Variants in GPRC5D observed in about 807,000 individuals in gnomAD.
GPRC5D encodes G protein-coupled receptor family C group 5 member D.
Under a neutral mutation model 29.3 loss-of-function variants are expected in GPRC5D, and 20 were observed. That is an observed-to-expected ratio of 0.68 (90% CI 0.48 to 0.99). GPRC5D has a LOEUF of 0.99. Among genes scored for constraint, GPRC5D ranks in the 50% least tolerant of loss-of-function variants. The pLI is 0.00. For missense variants in GPRC5D, 384 were observed against 423.6 expected (o/e 0.91, Z 0.82); for synonymous variants, 178 against 171.3 (o/e 1.04, Z -0.30).
intron 2 of GPRC5D, 86 bp downstream of exon 3, chr12:12,942,175 A>G (rs1383190528): frequency 2.9e-5 from 25 of 870,620 alleles, no homozygotes; most frequent in Non-Finnish European, 4.1e-5. Context: ...AGGTCAGTAA[A>G]GCCATTAGAA....
At chr12:12,942,631 A>AG (rs1863183146) in intron 1 of GPRC5D, among the ~76,000 whole-genome samples, 1 of 152,154 alleles carries the variant, frequency 6.6e-6, no homozygotes, top group East Asian at 1.9e-4. Context: ...GCTACTTGGG[A>AG]GGTGGAGGCA....
chr12:12,948,581 C>T (rs1220016071), intron 1 of GPRC5D: 1 of 154,052 alleles, frequency 6.5e-6, no homozygotes, highest in East Asian at 1.9e-4. Context: ...AAATCAGATG[C>T]CTATTAAGAC....
chr12:12,944,824 TCCTTCCTTCCTTCCTTCC>T lies in GPRC5D; in HGVS notation c.896-2514_896-2497del, dbSNP rs1565477135. ...TCCCTTCCTTCCTTCCTTCCTTCCT[TCCTTCCTTCCTTCCTTCC>T]TTCCTTCCTTCTTTCTTTCTTTCTT... On this transcript the variant is annotated intron_variant, in intron 1 of 2. Transcript: ENST00000228887. Among the ~76,000 whole-genome samples, 139 of 18,278 alleles carry T rather than the reference TCCTTCCTTCCTTCCTTCC, an allele frequency of 7.6e-3. 13 individuals are homozygous for T. The highest frequency in any genetic ancestry group is 0.015 in the Non-Finnish European group (91 of 6,176). 12.0% of individuals were successfully genotyped at this position (18,278 alleles called of 152,430 possible).
chr12:12,948,979 C>A (rs2136503669), intron 1 of GPRC5D, among the ~76,000 whole-genome samples: 1 of 152,236 alleles, frequency 6.6e-6, no homozygotes, highest in Middle Eastern at 3.4e-3. Flanking sequence ...AGTGATTGGG[C>A]TTTATGGCTT....
chr12:12,944,903 T>TTCTTTCTTTCTC (rs1565477611), intron 1 of GPRC5D, among the ~76,000 whole-genome samples: 21 of 79,122 alleles, frequency 2.7e-4, no homozygotes, highest in South Asian at 1.3e-3. Context: ...CTTTCTTTCT[T>TTCTTTCTTTCTC]TCTCTCCCTT....
Position 12,946,295 on chromosome 12 carries a change from CCTTCCTTCCTTCCTTTTCTTT to C in GPRC5D, c.895+3174_895+3194del, listed in dbSNP as rs1863323143. 7.4e-5 allele frequency among the ~76,000 whole-genome samples: 4 copies of C among 54,122 alleles called. No homozygotes were observed. In the East Asian group the frequency reaches 1.9e-3, roughly 26 times the overall value. The allele number at this position is 54,122 out of a possible 152,430, so 35.5% of individuals were successfully genotyped here. On this transcript the variant is annotated intron_variant, in intron 1 of 2. Coordinates refer to ENST00000228887, the Ensembl canonical transcript of GPRC5D. ...TCCTTCCTTCCTTCCTTCCTTTCTTCCTTCCTTCCTTCCTTTTCTTTCTTTCTTTCTTTCTTTCTTTCTTTC... is the reference window on the plus strand; with the variant it reads ...TCCTTCCTTCCTTCCTTCCTTTCTTCCTTTCTTTCTTTCTTTCTTTCTTTC...
At chr12:12,949,524 G>A in exon 1 of GPRC5D, 1 of 1,614,144 alleles carries the variant, frequency 6.2e-7, no homozygotes, top group Non-Finnish European at 8.5e-7. Context: ...CTTGGAAGCT[G>A]TGTTGGTAGG....
intron 1 of GPRC5D, among the ~76,000 whole-genome samples, chr12:12,946,335 TTC>T (rs1473118327): frequency 1.3e-5 from 2 of 149,822 alleles, no homozygotes; most frequent in East Asian, 2.0e-4. Context: ...CTTTCTTTCT[TTC>T]TTTCTTTCTT....
chr12:12,945,352 A>G (rs1863288694), intron 1 of GPRC5D, among the ~76,000 whole-genome samples: 1 of 152,132 alleles, frequency 6.6e-6, no homozygotes, highest in Non-Finnish European at 1.5e-5. Context: ...ATATGATATA[A>G]CAATATTCCT....
chr12:12,942,026 G>C (rs1863163372), intron 2 of GPRC5D, among the ~76,000 whole-genome samples: 1 of 152,188 alleles, frequency 6.6e-6, no homozygotes, highest in African/African-American at 2.4e-5. Context: ...ACTTGCATCA[G>C]AATGCTATAT....
downstream of GPRC5D, chr12:12,940,688 C>T (rs905236049): frequency 3.6e-5 from 27 of 759,212 alleles, no homozygotes; most frequent in East Asian, 5.0e-5. Context: ...TCATTGGCAG[C>T]GTGACTCTGT....
At chr12:12,950,233 A>G in exon 1 of GPRC5D, 1 of 1,614,142 alleles carries the variant, frequency 6.2e-7, no homozygotes, top group Non-Finnish European at 8.5e-7. Flanking sequence ...GCAGTCTTGG[A>G]TCTTTCGCAT....
intron 2 of GPRC5D, among the ~76,000 whole-genome samples, chr12:12,941,136 C>A (rs1193827719): frequency 1.3e-5 from 2 of 152,134 alleles, no homozygotes; most frequent in African/African-American, 4.8e-5. Context: ...GTTTTGAACA[C>A]CTGACCTCAA....
At chr12:12,942,266 G>T in exon 2 of GPRC5D, 1 of 1,603,478 alleles carries the variant, frequency 6.2e-7, no homozygotes, top group Non-Finnish European at 8.5e-7. Context: ...TTTACCTGCG[G>T]CTGAATGGGA....
At chr12:12,945,668 A>G (rs1863297157) in intron 1 of GPRC5D, among the ~76,000 whole-genome samples, 2 of 152,260 alleles carry the variant, frequency 1.3e-5, no homozygotes, top group South Asian at 4.1e-4. Context: ...AAAGTAGTTA[A>G]ACATCAAAAT....
chr12:12,950,184 G>T, exon 1 of GPRC5D: 1 of 1,613,910 alleles, frequency 6.2e-7, no homozygotes, highest in Non-Finnish European at 8.5e-7. Flanking sequence ...GGACACTCAG[G>T]AGGAAGAGGA....
chr12:12,940,840 G>T, exon 3 of GPRC5D: 2 of 1,595,242 alleles, frequency 1.3e-6, no homozygotes, highest in Non-Finnish European at 1.7e-6. Flanking sequence ...TCTTGTGTGG[G>T]ATCAACAGTC....
exon 1 of GPRC5D, chr12:12,949,544 G>T (rs1213301933): frequency 6.2e-7 from 1 of 1,614,132 alleles, no homozygotes; most frequent in Non-Finnish European, 8.5e-7. Context: ...GCTGTGACGG[G>T]GCAGGCATTG....
chr12:12,947,289 G>A (rs570817968), intron 1 of GPRC5D: 4 of 152,250 alleles, frequency 2.6e-5, no homozygotes, highest in East Asian at 1.9e-4. Context: ...CACTTAGGAC[G>A]TTTCAAGTTA....
Sources: allele counts gnomAD v4.1 joint callset (sites outside exome capture counted in the v4.1 genomes callset), GRCh38; gene constraint gnomAD v4.1.1; transcripts MANE v1.5; gene names NCBI Gene and HGNC (gene_info 2026-07-23, HGNC 2026-07-21).